MEGF6: variants seen among roughly 807,000 people sequenced by gnomAD.
MEGF6 encodes multiple EGF like domains 6, also known as multiple epidermal growth factor-like domains protein 6.
A neutral mutation model predicts 207.1 loss-of-function variants in MEGF6; 184 were observed. That is an observed-to-expected ratio of 0.89 (90% CI 0.79 to 1.00). The LOEUF is 1.00. MEGF6 is among the 50% of genes least tolerant of loss of function. The pLI is 0.00. For synonymous variants in MEGF6, 1,038 were observed against 910.0 expected (o/e 1.14, Z -2.53); for missense variants, 2,282 against 2,202.9 (o/e 1.04, Z -0.72).
rs771265853 is a variant in MEGF6 at position 3,498,441 on chromosome 1, C to T, written c.3282G>A (p.Gly1094=). ...GGCCCGTGTGCGGGTCACACAGGCC[C>T]CCGTTGAGGCAACCGCCGCTGTGCC... ...GCRHSGGCLN[G]GLCDPHTGRC... Residue 1094 remains glycine (G), a synonymous_variant, in exon 26 of 37, where the codon GGG becomes GGA. Coordinates refer to ENST00000356575, the MANE Select transcript of MEGF6 (RefSeq NM_001409.4). 6 of 1,580,058 alleles carry T rather than the reference C, an allele frequency of 3.8e-6. No homozygotes were observed. The highest frequency in any genetic ancestry group is 1.7e-4 in the Middle Eastern group (1 of 5,964).
intron 4 of MEGF6, among the ~76,000 whole-genome samples, chr1:3,578,222 C>T (rs968050214): frequency 6.6e-6 from 1 of 152,224 alleles, no homozygotes; most frequent in Non-Finnish European, 1.5e-5. Context: ...CAGCCCCGTC[C>T]CGGAAACCTC....
At chr1:3,618,120 C>A in the MEGF6 span, among the ~76,000 whole-genome samples, 2 of 152,170 alleles carry the variant, frequency 1.3e-5, no homozygotes, top group Non-Finnish European at 2.9e-5. This position sits in a 1 kb window ranked among gnomAD's most constrained non-coding sequence, Gnocchi z 4.7. Context: ...CCCATCACCC[C>A]GGCGCCATCC....
intron 12 of MEGF6, 45 bp downstream of exon 12, chr1:3,509,030 C>A: frequency 6.7e-7 from 1 of 1,483,480 alleles, no homozygotes; most frequent in Non-Finnish European, 9.0e-7. Flanking sequence ...TCGCTGGCTG[C>A]TGGCCCTGCG....
chr1:3,502,686 G>A (rs528297821), intron 17 of MEGF6, among the ~76,000 whole-genome samples: 10 of 152,198 alleles, frequency 6.6e-5, no homozygotes, highest in African/African-American at 2.4e-4. Context: ...GCTGAGGATT[G>A]GGACCCCTGG....
Position 3,533,972 on chromosome 1 carries a change from C to T in MEGF6, c.482-9726G>A, listed in dbSNP as rs150251934. 3.3e-3 allele frequency among the ~76,000 whole-genome samples: 496 copies of T among 152,278 alleles called. 4 individuals carry two copies. Among genetic ancestry groups the T allele is most frequent in the South Asian group, 9.7e-3 (47 of 4,826 alleles). On this transcript the variant is annotated intron_variant, in intron 4 of 36. Coordinates refer to ENST00000356575, the MANE Select transcript of MEGF6 (RefSeq NM_001409.4). The stretch of plus-strand genomic sequence containing the variant: ...AGGAAGCAGGAGGCACCAGCCGCAC[C>T]CTCAGGATCCCATGCTGTCCCCCAA...
chr1:3,542,361 G>A (rs757578078), intron 4 of MEGF6, among the ~76,000 whole-genome samples: 2 of 152,252 alleles, frequency 1.3e-5, no homozygotes, highest in Non-Finnish European at 2.9e-5. Flanking sequence ...CCATTTTATA[G>A]GTGGGAATGT....
intron 4 of MEGF6, among the ~76,000 whole-genome samples, chr1:3,548,882 C>A (rs1300311085): frequency 2.0e-5 from 3 of 152,180 alleles, no homozygotes; most frequent in Admixed American, 6.5e-5. Flanking sequence ...GACCCCCCCA[C>A]ACCCACAGGA....
At chr1:3,566,816 C>T (rs555288819) in intron 4 of MEGF6, among the ~76,000 whole-genome samples, 12 of 152,226 alleles carry the variant, frequency 7.9e-5, no homozygotes, top group African/African-American at 2.9e-4. Flanking sequence ...TGCTACAAAG[C>T]GATGGCCCCC....
chr1:3,493,550 C>A (rs776230178), intron 34 of MEGF6: 9 of 630,690 alleles, frequency 1.4e-5, no homozygotes, highest in Admixed American at 9.9e-5. Flanking sequence ...GGGGGCCACA[C>A]GGCAGGGCCT....
intron 2 of MEGF6, among the ~76,000 whole-genome samples, chr1:3,595,786 G>C (rs147563086): frequency 6.6e-6 from 1 of 152,136 alleles, no homozygotes; most frequent in African/African-American, 2.4e-5. Flanking sequence ...ACATCTCACC[G>C]CTCACTCGGC....
In MEGF6 at chr1:3,493,762, C is replaced by G; in HGVS notation, c.4387+9G>C. On this transcript the variant is annotated intron_variant, in intron 34 of 36. Transcript: ENST00000356575. ...CCCACGCCCTTCCTGGGCAGGACCCCAGACTCACCCAGGTTACAGGTGGCT... is the reference window on the plus strand; with the variant it reads ...CCCACGCCCTTCCTGGGCAGGACCCGAGACTCACCCAGGTTACAGGTGGCT... 1 of 1,611,014 alleles carries G rather than the reference C, an allele frequency of 6.2e-7. No homozygotes were observed. Among genetic ancestry groups the G allele is most frequent in the Non-Finnish European group, 8.5e-7 (1 of 1,178,640 alleles).
At chr1:3,562,805 C>T (rs1011012967) in intron 4 of MEGF6, among the ~76,000 whole-genome samples, 4 of 152,320 alleles carry the variant, frequency 2.6e-5, no homozygotes, top group African/African-American at 9.6e-5. Context: ...TCGACCAGAC[C>T]GCCCCGTCCA....
intron 4 of MEGF6, among the ~76,000 whole-genome samples, chr1:3,574,093 G>A (rs917916090): frequency 4.0e-5 from 6 of 151,856 alleles, no homozygotes; most frequent in Non-Finnish European, 7.4e-5. Context: ...GCTTGAGGCA[G>A]GGAAACCGAG....
intron 17 of MEGF6, among the ~76,000 whole-genome samples, chr1:3,504,994 A>AGACT (rs1371670653): frequency 1.3e-5 from 2 of 152,150 alleles, no homozygotes; most frequent in African/African-American, 4.8e-5. Context: ...TGAGCAGACC[A>AGACT]GACTGAGACT....
Position 3,502,248 on chromosome 1 carries a change from G to C in MEGF6, c.2189-327C>G, listed in dbSNP as rs551297208. Among the ~76,000 whole-genome samples, 11 of 152,090 alleles carry C rather than the reference G, an allele frequency of 7.2e-5. No individual in the cohort carries two copies. The East Asian group carries it at 1.7e-3, about 24-fold the overall frequency. On this transcript the variant is annotated intron_variant, in intron 17 of 36. Coordinates refer to ENST00000356575, the MANE Select transcript of MEGF6 (RefSeq NM_001409.4). The stretch of plus-strand genomic sequence containing the variant: ...GGAGAGGGGAGGGGCAGGGCTGCTG[G>C]GGCAGCGTGGGAGAGGCTGAAGCAG...
intron 20 of MEGF6, 89 bp downstream of exon 20, chr1:3,500,877 C>G: frequency 1.9e-6 from 3 of 1,600,334 alleles, no homozygotes; most frequent in Non-Finnish European, 2.6e-6. Context: ...CTGCAAGCCC[C>G]TAGTCCTCGG....
intron 4 of MEGF6, among the ~76,000 whole-genome samples, chr1:3,558,939 T>A (rs1438183110): frequency 6.6e-6 from 1 of 152,106 alleles, no homozygotes; most frequent in Non-Finnish European, 1.5e-5. Context: ...AGGGGGAGGA[T>A]CACTTGAGCC....
chr1:3,526,969 G>A (rs368436488), intron 4 of MEGF6, among the ~76,000 whole-genome samples: 5 of 152,208 alleles, frequency 3.3e-5, no homozygotes, highest in African/African-American at 1.2e-4. Flanking sequence ...CTCTCTGGGA[G>A]AAAATATTAT....
chr1:3,582,732 C>G (rs75898828), intron 3 of MEGF6, among the ~76,000 whole-genome samples: 3,428 of 152,258 alleles, frequency 0.023, 80 homozygotes, highest in South Asian at 0.096. Context: ...TTGGGGGCCT[C>G]CCATGAGAAA....
Sources: gnomAD v4.1 joint callset for allele counts (sites outside exome capture counted in the v4.1 genomes callset) on GRCh38, gnomAD v4.1.1 for gene constraint, Gnocchi (gnomAD v3.1) non-coding constraint, MANE v1.5 for transcripts, NCBI Gene and HGNC (gene_info 2026-07-23, HGNC 2026-07-21) for gene names.